The following TMEM94 variants were observed in gnomAD, a reference collection of about 807,000 sequenced individuals.
TMEM94 encodes the protein transmembrane protein 94, also known as ER Mg2+ ATPase.
A neutral mutation model predicts 158.6 loss-of-function variants in TMEM94; 81 were observed. The observed-to-expected ratio is 0.51, with a 90% CI of 0.43 to 0.61. TMEM94 has a LOEUF of 0.61. Among genes scored for constraint, TMEM94 ranks in the 20% least tolerant of loss-of-function variants. TMEM94 has a pLI of 0.00. For missense variants in TMEM94, 1,435 were observed against 1,762.0 expected (o/e 0.81, Z 3.32); for synonymous variants, 751 against 730.7 (o/e 1.03, Z -0.45).
intron 1 of TMEM94, among the ~76,000 whole-genome samples, chr17:75,458,905 A>C (rs375589435): frequency 5.3e-5 from 8 of 151,808 alleles, no homozygotes; most frequent in South Asian, 2.1e-4. Flanking sequence ...AAAATGCAAA[A>C]AATTAGCTGG....
Position 75,499,437 on chromosome 17 carries a change from C to T in TMEM94, c.*103C>T. 1 of 1,163,974 alleles carries T rather than the reference C, an allele frequency of 8.6e-7. No individual in the cohort carries two copies. The highest frequency in any genetic ancestry group is 1.3e-6 in the Non-Finnish European group (1 of 797,454). 72.1% of individuals were successfully genotyped at this position (1,163,974 alleles called of 1,614,324 possible). On this transcript the variant is annotated 3_prime_UTR_variant, in exon 32 of 32. Transcript: ENST00000314256. Reference sequence around the variant, plus strand: ...ATCATGAATGTTTCCAGGTTTGCTCCTGCACCCGTGGCACTGGAAACCCAG... The same window carrying T: ...ATCATGAATGTTTCCAGGTTTGCTCTTGCACCCGTGGCACTGGAAACCCAG...
intron 26 of TMEM94, 101 bp from the exon 27 acceptor site, chr17:75,497,680 G>T: frequency 1.1e-6 from 1 of 890,292 alleles, no homozygotes; most frequent in South Asian, 1.5e-5. Flanking sequence ...CCCCTCACCA[G>T]ACTCGACCTC....
In TMEM94 at chr17:75,489,977, G is replaced by T; in HGVS notation, c.955-257G>T. The T allele has an allele frequency of 1.8e-6, 1 of 571,136 alleles. No individual in the cohort carries two copies. The highest frequency in any genetic ancestry group is 3.1e-6 in the Non-Finnish European group (1 of 322,256). The allele number at this position is 571,136 out of a possible 1,614,324, so 35.4% of individuals were successfully genotyped here. Reference sequence around the variant, plus strand: ...GCCTGTGGTCCCAGCCATTCAGGTGGCTGAGGTGGGAGAATCCCTTGAACC... The same window carrying T: ...GCCTGTGGTCCCAGCCATTCAGGTGTCTGAGGTGGGAGAATCCCTTGAACC... On this transcript the variant is annotated intron_variant, in intron 9 of 31. Transcript: ENST00000314256. This position sits in a 1 kb window ranked among gnomAD's most constrained non-coding sequence, Gnocchi z 5.0.
rs748306638 is a variant in TMEM94 at position 75,498,699 on chromosome 17, G to A, written c.3804G>A (p.Trp1268Ter). 1 of 1,578,078 alleles carries A rather than the reference G, an allele frequency of 6.3e-7. No homozygotes were observed. Among genetic ancestry groups the A allele is most frequent in the Non-Finnish European group, 8.6e-7 (1 of 1,160,710 alleles). Reference protein sequence around the residue: ...LWRKSPLTNLWWAVTVPVVLL... With the variant: ...LWRKSPLTNL ...GAAAGAGCCCCTTGACCAACCTCTG[G>A]TGGGCCGTGACAGTGCCTGTGGTGT... The change falls in exon 30 of 32, where the codon TGG (tryptophan) becomes TGA (stop). Residue 1268 changes from tryptophan (W) to a stop codon, truncating the protein, a stop_gained. Transcript: ENST00000314256. LOFTEE classifies it high-confidence loss of function. The surrounding 1 kb of genome is among the most constrained non-coding windows in gnomAD (Gnocchi z 6.7).
At chr17:75,486,895 G>A (rs1222184127) in intron 5 of TMEM94, among the ~76,000 whole-genome samples, 1 of 151,984 alleles carries the variant, frequency 6.6e-6, no homozygotes, top group Non-Finnish European at 1.5e-5. Flanking sequence ...ATTTCTGCTT[G>A]GCCTTTCATT....
chr17:75,474,318 C>A (rs1783458061), intron 2 of TMEM94, among the ~76,000 whole-genome samples: 1 of 151,948 alleles, frequency 6.6e-6, no homozygotes, highest in African/African-American at 2.4e-5. Context: ...CCAGCCTGAC[C>A]AAAATGGTGA....
intron 1 of TMEM94, among the ~76,000 whole-genome samples, chr17:75,467,753 C>T (rs1249494295): frequency 6.6e-6 from 1 of 151,178 alleles, no homozygotes. Context: ...AGGATGGTCT[C>T]GATCTCCTGA....
chr17:75,478,238 C>T (rs1245418469), intron 2 of TMEM94, among the ~76,000 whole-genome samples: 3 of 140,126 alleles, frequency 2.1e-5, no homozygotes, highest in Admixed American at 7.2e-5. Context: ...GGGATGGTCT[C>T]GATCTCCTGA....
chr17:75,495,354 G>A lies in TMEM94; in HGVS notation c.2799G>A (p.Gln933=). 1 of 1,613,944 alleles carries A rather than the reference G, an allele frequency of 6.2e-7. No individual in the cohort carries two copies. The highest frequency in any genetic ancestry group is 1.1e-5 in the South Asian group (1 of 91,076). Residue 933 remains glutamine, a synonymous_variant, in exon 21 of 32, where the codon CAG becomes CAA. Transcript: ENST00000314256. This position sits in a 1 kb window ranked among gnomAD's most constrained non-coding sequence, Gnocchi z 5.6. The part of the protein sequence containing the change: ...EEGHSDLISF[Q]PTDSDIPSFL... Reference sequence around the variant, plus strand: ...GCCACTCGGACCTCATCAGCTTCCAGCCTACGGACAGCGACATCCCCAGCT... The same window carrying A: ...GCCACTCGGACCTCATCAGCTTCCAACCTACGGACAGCGACATCCCCAGCT...
chr17:75,486,264 G>T (rs756838547), intron 4 of TMEM94, 26 bp from the exon 5 acceptor site: 39 of 1,613,430 alleles, frequency 2.4e-5, no homozygotes, highest in Non-Finnish European at 3.0e-5. Flanking sequence ...CTCCCTGTGG[G>T]TGCGGCCTCT....
Position 75,491,401 on chromosome 17 carries a change from C to A in TMEM94, c.1332C>A (p.Ser444Arg), listed in dbSNP as rs761601615. 4 of 1,614,156 alleles carry A rather than the reference C, an allele frequency of 2.5e-6. No individual in the cohort carries two copies. The South Asian group carries it at 4.4e-5, about 18-fold the overall frequency. Residue 444 changes from serine (S) to arginine (R), a missense_variant, in exon 13 of 32, where the codon AGC (serine) becomes AGA (arginine). Physicochemically the swap from Ser to Arg is moderately radical, Grantham distance 110. Around this residue, in one of 3 missense-constraint regions of TMEM94, gnomAD observed 1,051 missense variants for 1,254.4 expected, o/e 0.84. Coordinates refer to ENST00000314256, the MANE Select transcript of TMEM94 (RefSeq NM_014738.6). The surrounding 1 kb of genome is among the most constrained non-coding windows in gnomAD (Gnocchi z 5.1). ...GCGGGAAGGTGGAGCCCCCTCACAG[C>A]AGCCATGAGGACCTCACCGATGGCC... ...FFSGKVEPPHSSHEDLTDGLS... is the reference protein window; with the variant it reads ...FFSGKVEPPHRSHEDLTDGLS...
At chr17:75,474,137 T>G (rs2146274189) in intron 2 of TMEM94, among the ~76,000 whole-genome samples, 1 of 152,004 alleles carries the variant, frequency 6.6e-6, no homozygotes, top group South Asian at 2.1e-4. Context: ...AAATGGATAG[T>G]ACAAGCAGTT....
intron 26 of TMEM94, among the ~76,000 whole-genome samples, chr17:75,497,561 C>A (rs1482984488): frequency 6.6e-6 from 1 of 152,010 alleles, no homozygotes; most frequent in Non-Finnish European, 1.5e-5. Context: ...GCCATGTTGG[C>A]GAGGCTGGTT....
At chr17:75,461,996 G>GTTT (rs1212545027) in intron 1 of TMEM94, among the ~76,000 whole-genome samples, 36 of 66,044 alleles carry the variant, frequency 5.5e-4, no homozygotes, top group African/African-American at 7.8e-4. Flanking sequence ...AGTTTTTTTT[G>GTTT]TTTTGTTTTG....
In TMEM94 at chr17:75,461,513, T is replaced by A. The variant is rs184907319; in HGVS notation, c.-107+4762T>A. ...AAAAAAGTATAAAAAAGAATTTTTTTAAAAAGTATATATAGTAAAAATTCT... is the reference window on the plus strand; with the variant it reads ...AAAAAAGTATAAAAAAGAATTTTTTAAAAAAGTATATATAGTAAAAATTCT... On this transcript the variant is annotated intron_variant, in intron 1 of 31. Transcript: ENST00000314256. 8.5e-3 allele frequency among the ~76,000 whole-genome samples: 1,298 copies of A among 152,270 alleles called. 11 individuals are homozygous for A. Among genetic ancestry groups the A allele is most frequent in the South Asian group, 0.015 (74 of 4,828 alleles).
intron 1 of TMEM94, among the ~76,000 whole-genome samples, chr17:75,463,952 TA>T (rs2050198295): frequency 1.3e-5 from 2 of 152,182 alleles, no homozygotes; most frequent in African/African-American, 4.8e-5. Context: ...GCACAACTAT[TA>T]AACCGAATAC....
chr17:75,482,231 A>G (rs2051216924), intron 2 of TMEM94, among the ~76,000 whole-genome samples: 1 of 152,270 alleles, frequency 6.6e-6, no homozygotes, highest in Middle Eastern at 3.4e-3. Context: ...CTGTAGTCCC[A>G]GCTGCTCGGG....
At chr17:75,486,726 G>A (rs1719076140) in intron 5 of TMEM94, among the ~76,000 whole-genome samples, 1 of 152,178 alleles carries the variant, frequency 6.6e-6, no homozygotes, top group Non-Finnish European at 1.5e-5. Flanking sequence ...CATGGCAGGA[G>A]GATGATTGAA....
Position 75,495,815 on chromosome 17 carries a change from T to G in TMEM94, c.2945-151T>G. 1.3e-6 allele frequency: 1 copy of G among 794,758 alleles called. No homozygotes were observed. The highest frequency in any genetic ancestry group is 1.7e-5 in the South Asian group (1 of 60,266). The allele number at this position is 794,758 out of a possible 1,614,324, so 49.2% of individuals were successfully genotyped here. On this transcript the variant is annotated intron_variant, in intron 22 of 31. Transcript: ENST00000314256. The surrounding 1 kb of genome is among the most constrained non-coding windows in gnomAD (Gnocchi z 5.6). ...TGTGGGTTGGAGTCAGAAGTGCCGA[T>G]GTTCACATGATCCCGCTGCCGGGGG...
Sources: allele counts gnomAD v4.1 joint callset (sites outside exome capture counted in the v4.1 genomes callset), GRCh38; gene constraint gnomAD v4.1.1; regional missense constraint gnomAD v4.1.1; non-coding constraint Gnocchi (gnomAD v3.1); transcripts MANE v1.5; gene names NCBI Gene and HGNC (gene_info 2026-07-23, HGNC 2026-07-21).